TEAD1: variants seen among roughly 807,000 people sequenced by gnomAD.
The protein encoded by TEAD1 is transcriptional enhancer factor TEF-1.
Under a neutral mutation model 54.9 loss-of-function variants are expected in TEAD1, and 9 were observed. That is an observed-to-expected ratio of 0.16 (90% CI 0.10 to 0.29). TEAD1 has a LOEUF of 0.29. Ranked by LOEUF, TEAD1 falls within the 10% of genes least tolerant of loss-of-function variation. The pLI is 1.00. For synonymous variants in TEAD1, 200 were observed against 187.8 expected, an observed-to-expected ratio of 1.07 and a Z score of -0.53; for missense variants, 387 against 535.9, an observed-to-expected ratio of 0.72 and a Z score of 2.74.
intron 5 of TEAD1, among the ~76,000 whole-genome samples, chr11:12,869,291 AAG>A (rs1947689905): frequency 6.6e-6 from 1 of 152,144 alleles, no homozygotes; most frequent in African/African-American, 2.4e-5. Flanking sequence ...AAGAGTGGGG[AAG>A]AGAGTCACAG....
chr11:12,855,220 C>T (rs1181041279), intron 3 of TEAD1, among the ~76,000 whole-genome samples: 1 of 152,206 alleles, frequency 6.6e-6, no homozygotes, highest in Non-Finnish European at 1.5e-5. Context: ...GTGGTTTCCT[C>T]AGTGTCCCCT....
chr11:12,876,691 C>A (rs1018502617), intron 5 of TEAD1, among the ~76,000 whole-genome samples: 1 of 152,192 alleles, frequency 6.6e-6, no homozygotes, highest in Non-Finnish European at 1.5e-5. Flanking sequence ...TGAGCCATTA[C>A]CTCAGTTTCA....
At chr11:12,912,750 T>C (rs1288721137) in intron 10 of TEAD1, among the ~76,000 whole-genome samples, 1 of 152,064 alleles carries the variant, frequency 6.6e-6, no homozygotes, top group East Asian at 1.9e-4. Flanking sequence ...GATACTTCTC[T>C]TTTTTTTAAA....
intron 2 of TEAD1, among the ~76,000 whole-genome samples, chr11:12,696,776 T>C (rs1564910035): frequency 6.6e-6 from 1 of 152,036 alleles, no homozygotes; most frequent in Non-Finnish European, 1.5e-5. Flanking sequence ...GGGAGCTCCA[T>C]TTGGTTACAT....
chr11:12,729,422 G>C (rs984320609), intron 2 of TEAD1, among the ~76,000 whole-genome samples: 2 of 152,342 alleles, frequency 1.3e-5, no homozygotes, highest in Non-Finnish European at 2.9e-5. Flanking sequence ...TGCCATGCTG[G>C]TCTATGGACT....
chr11:12,855,950 A>G (rs1947367905), intron 3 of TEAD1, among the ~76,000 whole-genome samples: 1 of 149,872 alleles, frequency 6.7e-6, no homozygotes, highest in African/African-American at 2.4e-5. Context: ...CTTGTCTTAA[A>G]AAAAAAAAAA....
chr11:12,935,008 G>A (rs923688986), intron 12 of TEAD1, among the ~76,000 whole-genome samples: 5 of 152,126 alleles, frequency 3.3e-5, no homozygotes, highest in South Asian at 2.1e-4. Flanking sequence ...AAGAATAGGG[G>A]TATCCCATGG....
chr11:12,773,078 G>A (rs1171645119), intron 3 of TEAD1, among the ~76,000 whole-genome samples: 1 of 152,138 alleles, frequency 6.6e-6, no homozygotes, highest in African/African-American at 2.4e-5. Flanking sequence ...TAATTCCCGG[G>A]AGATTCATCC....
chr11:12,902,236 C>T, intron 10 of TEAD1, 123 bp downstream of exon 10: 1 of 1,346,244 alleles, frequency 7.4e-7, no homozygotes, highest in South Asian at 1.2e-5. Flanking sequence ...TGCTTCTGCA[C>T]AATTGCCAAG....
chr11:12,911,996 A>G (rs1388731026), intron 10 of TEAD1, among the ~76,000 whole-genome samples: 1 of 151,978 alleles, frequency 6.6e-6, no homozygotes, highest in Non-Finnish European at 1.5e-5. Flanking sequence ...TTTTATTTCA[A>G]TCAGTAAATG....
At chr11:12,683,427 A>G (rs1261767909) in intron 2 of TEAD1, among the ~76,000 whole-genome samples, 2 of 152,112 alleles carry the variant, frequency 1.3e-5, no homozygotes, top group Non-Finnish European at 2.9e-5. Context: ...TATATTTTTT[A>G]GGAGCATGGA....
chr11:12,792,360 A>G (rs1204267091), intron 3 of TEAD1, among the ~76,000 whole-genome samples: 1 of 151,146 alleles, frequency 6.6e-6, no homozygotes, highest in Non-Finnish European at 1.5e-5. Context: ...AATAGTAAAA[A>G]AAAAAAAAAA....
intron 2 of TEAD1, among the ~76,000 whole-genome samples, chr11:12,732,223 A>C (rs1419877893): frequency 6.6e-6 from 1 of 151,966 alleles, no homozygotes; most frequent in African/African-American, 2.4e-5. Flanking sequence ...ATCCCTTCCA[A>C]CTCCCAGTCA....
chr11:12,814,700 G>A (rs773679120), intron 3 of TEAD1, among the ~76,000 whole-genome samples: 13 of 152,078 alleles, frequency 8.5e-5, no homozygotes, highest in Non-Finnish European at 1.5e-4. Flanking sequence ...AGACATGTTA[G>A]GAAGCTTGTC....
chr11:12,874,026 A>AT (rs1240299720), intron 5 of TEAD1, among the ~76,000 whole-genome samples: 21 of 152,148 alleles, frequency 1.4e-4, no homozygotes, highest in Non-Finnish European at 1.5e-5. Context: ...TGACTTTACT[A>AT]TTTTTTCTGA....
At chr11:12,901,240 G>C (rs927525276) in intron 9 of TEAD1, among the ~76,000 whole-genome samples, 2 of 152,222 alleles carry the variant, frequency 1.3e-5, no homozygotes, top group South Asian at 2.1e-4. Context: ...CTTTGTGAGT[G>C]AAATGACTTA....
chr11:12,910,084 C>T (rs1315567982), intron 10 of TEAD1, among the ~76,000 whole-genome samples: 2 of 152,166 alleles, frequency 1.3e-5, no homozygotes, highest in East Asian at 3.9e-4. Context: ...AGTGACGTGG[C>T]AGACAGTGCA....
At chr11:12,778,565 A>C (rs1407453277) in intron 3 of TEAD1, among the ~76,000 whole-genome samples, 1 of 138,120 alleles carries the variant, frequency 7.2e-6, no homozygotes, top group Non-Finnish European at 1.5e-5. Flanking sequence ...TGTAGTAAGC[A>C]CTGTCAGGCT....
At chr11:12,932,628 C>T (rs1402347007) in intron 12 of TEAD1, among the ~76,000 whole-genome samples, 2 of 152,152 alleles carry the variant, frequency 1.3e-5, no homozygotes, top group Non-Finnish European at 2.9e-5. Context: ...TATGGTAGTG[C>T]TCCCATAAGA....
Sources: gnomAD v4.1 joint callset for allele counts (sites outside exome capture counted in the v4.1 genomes callset) on GRCh38, gnomAD v4.1.1 for gene constraint, MANE v1.5 for transcripts, NCBI Gene and HGNC (gene_info 2026-07-23, HGNC 2026-07-21) for gene names.